Variants in GJA5 observed in about 807,000 individuals in gnomAD.
GJA5 encodes gap junction protein alpha 5, also known as gap junction alpha-5 protein.
In GJA5, 3 loss-of-function variants were observed where a neutral mutation model predicts 7.9. The ratio of observed to expected loss-of-function variants is 0.38; its 90% CI spans 0.17 to 0.99. The LOEUF is 0.99. GJA5 is among the 50% of genes least tolerant of loss of function. GJA5 has a pLI of 0.38. For missense variants in GJA5, 390 were observed against 457.9 expected (o/e 0.85, Z 1.35); for synonymous variants, 193 against 181.0 (o/e 1.07, Z -0.53).
intron 1 of GJA5, among the ~76,000 whole-genome samples, chr1:147,770,500 C>G (rs587654364): frequency 6.6e-6 from 1 of 152,208 alleles, no homozygotes; most frequent in Non-Finnish European, 1.5e-5. Context: ...TCGTAGGAAG[C>G]CTTTCTATTT....
chr1:147,758,796 G>A lies in GJA5; in HGVS notation c.443C>T (p.Thr148Ile), dbSNP rs782273824. 1.9e-6 allele frequency: 3 copies of A among 1,614,114 alleles called. No individual in the cohort carries two copies. The highest frequency in any genetic ancestry group is 4.5e-5 in the East Asian group (2 of 44,864). ...EGNGRIALQG[T>I]LLNTYVCSIL... ...GCTGCACACATAGGTGTTGAGCAGA[G>A]TGCCCTGGAGGGCAATCCTTCCATT... The change falls in exon 2 of 2, where the codon ACT becomes ATT. Residue 148 changes from threonine to isoleucine, a missense_variant. Around this residue, in one of 2 missense-constraint regions of GJA5, gnomAD observed 354 missense variants for 370.9 expected, o/e 0.95. Transcript: ENST00000579774.
rs1663813119 is a variant in GJA5, at chr1:147,758,152, T to G, written c.*10A>C. ...TTCCCACCTGGTCCTGATCCTCCCA[T>G]AAAGGAGGGTCACACTGATAGGTCA... is the stretch of plus-strand genomic sequence containing the variant. On this transcript the variant is annotated 3_prime_UTR_variant, in exon 2 of 2. Transcript: ENST00000579774. The G allele has an allele frequency of 6.3e-7, 1 of 1,580,062 alleles. No individual in the cohort carries two copies. The highest frequency in any genetic ancestry group is 1.1e-5 in the South Asian group (1 of 90,348).
intron 1 of GJA5, among the ~76,000 whole-genome samples, chr1:147,771,406 C>T (rs1664398919): frequency 6.6e-6 from 1 of 152,142 alleles, no homozygotes; most frequent in Admixed American, 6.5e-5. Context: ...CCAACTCAAT[C>T]AGCCCTGACT....
At chr1:147,766,251 C>T (rs1495957) in intron 1 of GJA5, among the ~76,000 whole-genome samples, 30,914 of 151,970 alleles carry the variant, frequency 0.2, 3,776 homozygotes, top group East Asian at 0.32. Context: ...TTCCCTCCAC[C>T]CCAAACCCCT....
chr1:147,767,554 A>AT (rs782337670), intron 1 of GJA5, among the ~76,000 whole-genome samples: 139,786 of 143,016 alleles, frequency 0.98, 68,356 homozygotes, highest in Middle Eastern at 1. Flanking sequence ...TACCCAGCTA[A>AT]TTTTTGTTAT....
Position 147,758,244 on chromosome 1 carries a change from C to T in GJA5, c.995G>A (p.Arg332His), listed in dbSNP as rs116551187. ...EVPNGVSPGHRLPHGYHSDKR... is the reference protein window; with the variant it reads ...EVPNGVSPGHHLPHGYHSDKR... The stretch of plus-strand genomic sequence containing the variant: ...GTCACTATGATAGCCATGGGGAAGG[C>T]GGTGACCTGGTGAGACTCCATTGGG... The change falls in exon 2 of 2, where the codon CGC becomes CAC. Residue 332 changes from arginine (R) to histidine (H), a missense_variant. By Grantham distance (29) the Arg-to-His change is conservative. Around this residue, in one of 2 missense-constraint regions of GJA5, gnomAD observed 354 missense variants for 370.9 expected, o/e 0.95. Transcript: ENST00000579774. 128 of 1,614,094 alleles carry T rather than the reference C, an allele frequency of 7.9e-5. No individual in the cohort carries two copies. The African/African-American group carries it at 1.4e-3, about 17-fold the overall frequency.
At chr1:147,764,823 C>A (rs868956010), upstream of GJA5, among the ~76,000 whole-genome samples, 481 of 125,588 alleles carry the variant, frequency 3.8e-3, no homozygotes, top group Middle Eastern at 9.2e-3. Context: ...GACTCCGTCT[C>A]AAAAAAAAAA....
chr1:147,765,564 G>A (rs1232233450), upstream of GJA5, among the ~76,000 whole-genome samples: 1 of 152,166 alleles, frequency 6.6e-6, no homozygotes, highest in Non-Finnish European at 1.5e-5. Context: ...GGGGATTTCA[G>A]ACAAAGGCAA....
intron 1 of GJA5, among the ~76,000 whole-genome samples, chr1:147,769,333 G>A (rs782688324): frequency 1.2e-4 from 18 of 152,292 alleles, no homozygotes; most frequent in African/African-American, 2.4e-4. Flanking sequence ...ATTATTAGGC[G>A]GAGGAACTTC....
chr1:147,767,125 G>A (rs1175998490), intron 1 of GJA5, among the ~76,000 whole-genome samples: 3 of 152,122 alleles, frequency 2.0e-5, no homozygotes, highest in Non-Finnish European at 2.9e-5. Flanking sequence ...CTTAAAATGG[G>A]TATGTAGGGA....
At chr1:147,760,859 A>C (rs938580274), upstream of GJA5, among the ~76,000 whole-genome samples, 4 of 152,142 alleles carry the variant, frequency 2.6e-5, no homozygotes, top group Admixed American at 6.5e-5. Flanking sequence ...AAATGGAGAG[A>C]GCCTCACTCA....
At chr1:147,763,567 G>T (rs1664094932), upstream of GJA5, among the ~76,000 whole-genome samples, 1 of 152,120 alleles carries the variant, frequency 6.6e-6, no homozygotes, top group African/African-American at 2.4e-5. Context: ...AACTCTAAAG[G>T]TTCTTCACTC....
upstream of GJA5, among the ~76,000 whole-genome samples, chr1:147,760,793 T>C (rs1396062901): frequency 1.3e-5 from 2 of 152,176 alleles, no homozygotes; most frequent in African/African-American, 2.4e-5. Flanking sequence ...AGGTGAGGTA[T>C]GGGGAGAATC....
At chr1:147,771,344 G>A (rs1318967679) in intron 1 of GJA5, among the ~76,000 whole-genome samples, 1 of 152,148 alleles carries the variant, frequency 6.6e-6, no homozygotes, top group Non-Finnish European at 1.5e-5. Flanking sequence ...TCCAGCCGGG[G>A]GATGGACATT....
rs782702932 is a variant in GJA5, at chr1:147,758,126, G to T, written c.*36C>A. On this transcript the variant is annotated 3_prime_UTR_variant, in exon 2 of 2. Transcript: ENST00000579774. ...CGTCTTTCCTCTCTGAGCCTCCTTT[G>T]TTCCCACCTGGTCCTGATCCTCCCA... The T allele has an allele frequency of 1.4e-6, 2 of 1,395,724 alleles. No individual in the cohort carries two copies. Among genetic ancestry groups the T allele is most frequent in the South Asian group, 1.2e-5 (1 of 86,718 alleles). The allele number at this position is 1,395,724 out of a possible 1,614,324, so 86.5% of individuals were successfully genotyped here. A position where few individuals can be genotyped will look rare whatever the true frequency, so the allele number is the denominator to read the frequency against.
Position 147,757,890 on chromosome 1 carries a change from C to T in GJA5, c.*272G>A. ...AGCTTTTGCCATGCTTCCCTTCTTT[C>T]CCTCTACCCTGTTTCATGAGTAATC... is the stretch of plus-strand genomic sequence containing the variant. On this transcript the variant is annotated 3_prime_UTR_variant, in exon 2 of 2. Coordinates refer to ENST00000579774, the MANE Select transcript of GJA5 (RefSeq NM_181703.4). The T allele has an allele frequency of 8.2e-6, 4 of 487,392 alleles. No homozygotes were observed. Among genetic ancestry groups the T allele is most frequent in the South Asian group, 6.8e-5 (3 of 43,904 alleles). 30.2% of individuals were successfully genotyped at this position (487,392 alleles called of 1,614,324 possible).
At chr1:147,761,177 C>G (rs1288151134), upstream of GJA5, among the ~76,000 whole-genome samples, 1 of 152,132 alleles carries the variant, frequency 6.6e-6, no homozygotes, top group Admixed American at 6.5e-5. Context: ...TCTAACCATT[C>G]CTAACCAACA....
intron 1 of GJA5, among the ~76,000 whole-genome samples, chr1:147,772,623 C>T (rs1434269670): frequency 6.6e-6 from 1 of 152,126 alleles, no homozygotes; most frequent in Non-Finnish European, 1.5e-5. Context: ...AGGAGACCTT[C>T]AGTGGGTGCT....
In GJA5 at chr1:147,759,253, GGAACAGATGCCAAA is replaced by G. The variant is rs782291949; in HGVS notation, c.-29_-16del. ...CAATCGCCCATCTTGGCACAGCCAG[GGAACAGATGCCAAA>G]ACTTCTGCAAATGGGAGAGAGAGAA... On this transcript the variant is annotated 5_prime_UTR_variant, in exon 2 of 2. Coordinates refer to ENST00000579774, the MANE Select transcript of GJA5 (RefSeq NM_181703.4). 4 of 1,555,472 alleles carry G rather than the reference GGAACAGATGCCAAA, an allele frequency of 2.6e-6. No homozygotes were observed. In the African/African-American group the frequency reaches 5.4e-5, roughly 21 times the overall value.
Sources: gnomAD v4.1 joint callset for allele counts (sites outside exome capture counted in the v4.1 genomes callset) on GRCh38, gnomAD v4.1.1 for gene constraint, gnomAD v4.1.1 regional missense constraint, MANE v1.5 for transcripts, NCBI Gene and HGNC (gene_info 2026-07-23, HGNC 2026-07-21) for gene names.